ADISSP: variants seen among roughly 807,000 people sequenced by gnomAD.
ADISSP encodes adipose-secreted signaling protein.
the ADISSP span, among the ~76,000 whole-genome samples, chr20:3,762,203 C>T: frequency 1.7e-4 from 26 of 150,990 alleles, no homozygotes; most frequent in African/African-American, 5.9e-4. Context: ...ATCCGGAAGG[C>T]GGAGGTTGCA....
chr20:3,757,753 C>A, the ADISSP span, among the ~76,000 whole-genome samples: 4 of 152,174 alleles, frequency 2.6e-5, no homozygotes, highest in African/African-American at 7.2e-5. Flanking sequence ...CTCAGCCTCC[C>A]AAGTAGCTGG....
the ADISSP span, among the ~76,000 whole-genome samples, chr20:3,766,282 C>T: frequency 6.6e-6 from 1 of 152,256 alleles, no homozygotes; most frequent in African/African-American, 2.4e-5. Context: ...CAGCAGAGGC[C>T]ACACATACTC....
chr20:3,754,631 C>A, the ADISSP span: 6 of 1,139,754 alleles, frequency 5.3e-6, no homozygotes, highest in East Asian at 7.2e-5. Flanking sequence ...GCTAAGCCCC[C>A]CCAAGAAAGG....
chr20:3,754,034 CCGGGGCAGG>C, the ADISSP span: 1 of 1,578,448 alleles, frequency 6.3e-7, no homozygotes, highest in African/African-American at 1.3e-5. Context: ...GCTGAGGGGC[CCGGGGCAGG>C]CGGGGCCTCG....
the ADISSP span, chr20:3,753,630 C>T: frequency 1.8e-4 from 39 of 218,098 alleles, no homozygotes; most frequent in African/African-American, 8.5e-4. Flanking sequence ...TCATGGTGGA[C>T]AGCAGTGGGG....
chr20:3,757,916 C>T, the ADISSP span, among the ~76,000 whole-genome samples: 2 of 152,042 alleles, frequency 1.3e-5, no homozygotes, highest in Non-Finnish European at 1.5e-5. Flanking sequence ...CCTCCCCCGA[C>T]CCAAGGGCAC....
chr20:3,758,813 T>C, the ADISSP span: 2 of 789,758 alleles, frequency 2.5e-6, no homozygotes, highest in African/African-American at 3.5e-5. The surrounding 1 kb of genome is among the most constrained non-coding windows in gnomAD (Gnocchi z 5.5). Context: ...CAGGGCTAGA[T>C]GGACACTAGG....
the ADISSP span, chr20:3,755,422 T>C: frequency 1.3e-6 from 2 of 1,581,384 alleles, no homozygotes; most frequent in Non-Finnish European, 1.7e-6. Flanking sequence ...GCACCCCATG[T>C]TCTCACTCCC....
chr20:3,762,140 C>T, the ADISSP span, among the ~76,000 whole-genome samples: 8 of 152,078 alleles, frequency 5.3e-5, no homozygotes, highest in East Asian at 7.7e-4. Flanking sequence ...GGTGTGGTGG[C>T]GGGCAGCTGT....
chr20:3,764,485 G>A, the ADISSP span, among the ~76,000 whole-genome samples: 5 of 152,080 alleles, frequency 3.3e-5, no homozygotes, highest in African/African-American at 7.2e-5. Flanking sequence ...GAACAATCCC[G>A]TCCCTCCCAG....
the ADISSP span, among the ~76,000 whole-genome samples, chr20:3,766,871 A>G: frequency 2.0e-5 from 3 of 152,082 alleles, no homozygotes; most frequent in African/African-American, 7.2e-5. Context: ...CAGTGCCAAG[A>G]TTCAAGAAGA....
the ADISSP span, chr20:3,767,933 C>T: frequency 6.6e-6 from 1 of 152,300 alleles, no homozygotes; most frequent in Non-Finnish European, 1.5e-5. Context: ...CTAGTCCGCG[C>T]CTGCCGGGCG....
chr20:3,765,012 C>T, the ADISSP span, among the ~76,000 whole-genome samples: 1 of 152,208 alleles, frequency 6.6e-6, no homozygotes, highest in African/African-American at 2.4e-5. Context: ...AGGGTAGGAC[C>T]CACATCTCAT....
chr20:3,754,311 T>C, the ADISSP span: 5 of 1,541,726 alleles, frequency 3.2e-6, no homozygotes, highest in Non-Finnish European at 4.5e-6. Context: ...GGATCCCTTG[T>C]TCAGCCTTGG....
At chr20:3,763,255 CAAAAAAA>C in the ADISSP span, among the ~76,000 whole-genome samples, 4 of 48,746 alleles carry the variant, frequency 8.2e-5, no homozygotes, top group African/African-American at 8.2e-5. Context: ...GACTCTGTCT[CAAAAAAA>C]AAAAAAAAAA....
At chr20:3,760,188 T>TTGCGGGGTGCACCCCGGGGCC in the ADISSP span, 4 of 1,154,410 alleles carry the variant, frequency 3.5e-6, no homozygotes, top group Middle Eastern at 2.3e-4. Flanking sequence ...AGCGGGAGCC[T>TTGCGGGGTGCACCCCGGGGCC]GAAGGATAGG....
At chr20:3,755,698 C>T in the ADISSP span, 3 of 1,154,350 alleles carry the variant, frequency 2.6e-6, no homozygotes, top group Non-Finnish European at 3.7e-6. Context: ...CCATGCGCCC[C>T]AGCACCTGCT....
the ADISSP span, among the ~76,000 whole-genome samples, chr20:3,763,557 C>CAAAA: frequency 8.5e-6 from 1 of 117,504 alleles, no homozygotes; most frequent in Admixed American, 9.0e-5. Context: ...AACTCCGTCT[C>CAAAA]AAAAAAAAAA....
chr20:3,767,737 C>T, the ADISSP span: 1 of 154,338 alleles, frequency 6.5e-6, no homozygotes. Context: ...GAGCTCAACG[C>T]CGAGCACGAG....
Sources: allele counts gnomAD v4.1 joint callset (sites outside exome capture counted in the v4.1 genomes callset), GRCh38; gene constraint gnomAD v4.1.1; non-coding constraint Gnocchi (gnomAD v3.1); transcripts MANE v1.5; gene names NCBI Gene and HGNC (gene_info 2026-07-23, HGNC 2026-07-21).